PLCB4: variants seen among roughly 807,000 people sequenced by gnomAD.
PLCB4 encodes the protein phospholipase C beta 4.
PLCB4 carries 77 observed loss-of-function variants against 178.8 expected under a neutral mutation model. That is an observed-to-expected ratio of 0.43 (90% CI 0.36 to 0.52). The LOEUF (loss-of-function observed/expected upper bound fraction) is 0.52. PLCB4 is among the 20% of genes least tolerant of loss of function. PLCB4 has a pLI of 0.00. For synonymous variants in PLCB4, 496 were observed against 490.8 expected (o/e 1.01, Z -0.14); for missense variants, 1,024 against 1,453.4 (o/e 0.70, Z 4.80).
rs1390652498 is a variant in PLCB4 at position 9,365,581 on chromosome 20, G to A, written c.503+67G>A. ...CGCTTGTCATCCCAAACCAAAGAGA[G>A]AACCCTTCACAAGTATTTGTGTGTT... On this transcript the variant is annotated intron_variant, in intron 9 of 39. Coordinates refer to ENST00000378473, the MANE Select transcript of PLCB4 (RefSeq NM_001377142.1). 3 of 890,208 alleles carry A rather than the reference G, an allele frequency of 3.4e-6. No homozygotes were observed. In the African/African-American group the frequency reaches 5.0e-5, roughly 15 times the overall value. The allele number at this position is 890,208 out of a possible 1,614,324, so 55.1% of individuals were successfully genotyped here.
chr20:9,104,780 C>T lies in PLCB4; in HGVS notation c.-79+8438C>T, dbSNP rs118130175. On this transcript the variant is annotated intron_variant, in intron 2 of 39. Coordinates refer to ENST00000378473, the MANE Select transcript of PLCB4 (RefSeq NM_001377142.1). ...ATCTCTTCACATCCTAACATTCTGT[C>T]CTCATAATAAATGCTACCACTCACA... 1.9e-3 allele frequency among the ~76,000 whole-genome samples: 283 copies of T among 152,120 alleles called. 7 individuals carry two copies. In the East Asian group the frequency reaches 0.045, roughly 24 times the overall value.
At chr20:9,457,533 C>T (rs1281269563) in intron 34 of PLCB4, 44 bp downstream of exon 34, 1 of 932,592 alleles carries the variant, frequency 1.1e-6, no homozygotes, top group East Asian at 2.4e-5. Flanking sequence ...GCAGAAGACA[C>T]TTTGTAATTT....
chr20:9,413,786 G>T (rs1310980866), intron 25 of PLCB4, among the ~76,000 whole-genome samples: 1 of 152,050 alleles, frequency 6.6e-6, no homozygotes, highest in Non-Finnish European at 1.5e-5. Flanking sequence ...CTTAAGACAG[G>T]GTTTCGCTCT....
intron 22 of PLCB4, 50 bp from the exon 23 acceptor site, chr20:9,408,583 G>T: frequency 1.2e-6 from 1 of 861,912 alleles, no homozygotes. Flanking sequence ...GTTTTTCGGT[G>T]AGGGTTTGAT....
At chr20:9,116,129 G>A (rs1383665708) in intron 2 of PLCB4, among the ~76,000 whole-genome samples, 2 of 151,616 alleles carry the variant, frequency 1.3e-5, no homozygotes, top group Non-Finnish European at 2.9e-5. Flanking sequence ...TTCTGATATT[G>A]TATCCGTGTG....
At chr20:9,398,900 A>G (rs988482316) in intron 19 of PLCB4, among the ~76,000 whole-genome samples, 6 of 152,246 alleles carry the variant, frequency 3.9e-5, no homozygotes, top group Admixed American at 3.9e-4. Context: ...CTAAGATTCA[A>G]TCCCAGAGCT....
At position 9,362,982 on chromosome 20, in the gene PLCB4, G is replaced by A. The variant is rs2035476462; in HGVS notation, c.449+7G>A. 1 of 1,589,394 alleles carries A rather than the reference G, an allele frequency of 6.3e-7. No homozygotes were observed. Among genetic ancestry groups the A allele is most frequent in the African/African-American group, 1.3e-5 (1 of 74,580 alleles). ...TGACATGCCTCAAGAAACAGTGAGT[G>A]TTGTTTGCATTACTCGTTTTTCTTG... On this transcript the variant is annotated splice_region_variant and intron_variant, in intron 8 of 39. Transcript: ENST00000378473.
intron 1 of PLCB4, among the ~76,000 whole-genome samples, chr20:9,089,241 GTTAA>G (rs2090570505): frequency 6.6e-6 from 1 of 151,780 alleles, no homozygotes; most frequent in South Asian, 2.1e-4. Flanking sequence ...ATTTTGACTA[GTTAA>G]TTATCAATAT....
intron 3 of PLCB4, among the ~76,000 whole-genome samples, chr20:9,304,013 T>A (rs1365748833): frequency 6.6e-6 from 1 of 151,812 alleles, no homozygotes; most frequent in Non-Finnish European, 1.5e-5. Context: ...TAAATCTCCC[T>A]CTCTCTGTGT....
chr20:9,084,969 C>T (rs4816119), intron 1 of PLCB4, among the ~76,000 whole-genome samples: 72,796 of 149,738 alleles, frequency 0.49, 18,144 homozygotes, highest in Middle Eastern at 0.57. Context: ...AGGAGAATGG[C>T]GTGAACCCGG....
chr20:9,453,523 A>G, intron 33 of PLCB4, 61 bp downstream of exon 33: 5 of 983,154 alleles, frequency 5.1e-6, no homozygotes, highest in Non-Finnish European at 6.2e-6. Flanking sequence ...CTTTTCCCAC[A>G]GTTTTGCTGC....
chr20:9,203,056 A>AATATATATATAT (rs55690764), intron 2 of PLCB4, among the ~76,000 whole-genome samples: 6 of 126,148 alleles, frequency 4.8e-5, no homozygotes, highest in African/African-American at 1.7e-4. Context: ...AAAAAAAAAA[A>AATATATATATAT]ATATATATAT....
chr20:9,171,340 G>T (rs923899928), intron 2 of PLCB4, among the ~76,000 whole-genome samples: 2 of 152,236 alleles, frequency 1.3e-5, no homozygotes, highest in Middle Eastern at 3.4e-3. Flanking sequence ...GCTCACAAAA[G>T]AATGCAAGAG....
intron 3 of PLCB4, among the ~76,000 whole-genome samples, chr20:9,231,664 A>C (rs1267572612): frequency 6.6e-6 from 1 of 152,156 alleles, no homozygotes; most frequent in Non-Finnish European, 1.5e-5. Flanking sequence ...TAGAGTCTGA[A>C]AATTTCAGTA....
chr20:9,294,733 C>T (rs2094614135), intron 3 of PLCB4, among the ~76,000 whole-genome samples: 1 of 152,086 alleles, frequency 6.6e-6, no homozygotes, highest in South Asian at 2.1e-4. Flanking sequence ...TAGCTGGATA[C>T]ACCGTGGATT....
chr20:9,114,195 CAG>C (rs1883494116), intron 2 of PLCB4, among the ~76,000 whole-genome samples: 2 of 152,022 alleles, frequency 1.3e-5, no homozygotes, highest in African/African-American at 4.8e-5. Context: ...GCCTGGGGAA[CAG>C]AGAGAGACTT....
intron 7 of PLCB4, among the ~76,000 whole-genome samples, chr20:9,362,577 C>T (rs78958895): frequency 0.02 from 3,070 of 152,110 alleles, 112 homozygotes; most frequent in African/African-American, 0.07. Flanking sequence ...AGATTGCCAG[C>T]AACTGAAAAA....
chr20:9,307,254 G>T (rs1034548329), intron 3 of PLCB4, among the ~76,000 whole-genome samples: 8 of 152,082 alleles, frequency 5.3e-5, no homozygotes, highest in Admixed American at 5.2e-4. Context: ...AAGGGGTGAG[G>T]AACAAAGGGG....
At chr20:9,460,784 C>G (rs745697052) in intron 35 of PLCB4, among the ~76,000 whole-genome samples, 2 of 152,130 alleles carry the variant, frequency 1.3e-5, no homozygotes, top group Admixed American at 6.5e-5. Context: ...TGGCTGCATG[C>G]CCAAATTCCC....
Sources: gnomAD v4.1 joint callset for allele counts (sites outside exome capture counted in the v4.1 genomes callset) on GRCh38, gnomAD v4.1.1 for gene constraint, MANE v1.5 for transcripts, NCBI Gene and HGNC (gene_info 2026-07-23, HGNC 2026-07-21) for gene names.